The following MAGI2 variants were observed in gnomAD, a reference collection of about 807,000 sequenced individuals.
The protein encoded by MAGI2 is membrane associated guanylate kinase, WW and PDZ domain containing 2.
MAGI2 carries 35 observed loss-of-function variants against 133.3 expected under a neutral mutation model. The ratio of observed to expected loss-of-function variants is 0.26; its 90% CI spans 0.20 to 0.35. MAGI2 has a LOEUF of 0.35. MAGI2 is among the 10% of genes least tolerant of loss of function. MAGI2 has a pLI of 1.00. For synonymous variants in MAGI2, 729 were observed against 710.6 expected (o/e 1.03, Z -0.41); for missense variants, 1,636 against 1,863.4 (o/e 0.88, Z 2.25).
chr7:79,346,006 C>T (rs565412668), intron 1 of MAGI2, among the ~76,000 whole-genome samples: 1 of 152,140 alleles, frequency 6.6e-6, no homozygotes, highest in South Asian at 2.1e-4. Context: ...ACCATTTCTA[C>T]ATTTTTCTCT....
chr7:78,972,938 TACAC>T (rs3069435), intron 2 of MAGI2, among the ~76,000 whole-genome samples: 2,864 of 148,310 alleles, frequency 0.019, 57 homozygotes, highest in East Asian at 0.098. Flanking sequence ...TTGTTGCTTT[TACAC>T]ACACACACAC....
chr7:79,095,521 T>C (rs1817441667), intron 1 of MAGI2, among the ~76,000 whole-genome samples: 1 of 152,212 alleles, frequency 6.6e-6, no homozygotes, highest in Non-Finnish European at 1.5e-5. Context: ...AAGAGACATG[T>C]GACTCTTCCT....
At chr7:78,379,263 T>A (rs987323869) in intron 6 of MAGI2, among the ~76,000 whole-genome samples, 6 of 152,030 alleles carry the variant, frequency 3.9e-5, no homozygotes, top group African/African-American at 1.4e-4. Flanking sequence ...ATCTTTCTTA[T>A]TAAGATTTTC....
chr7:79,121,453 T>G (rs1187574337), intron 1 of MAGI2, among the ~76,000 whole-genome samples: 1 of 152,140 alleles, frequency 6.6e-6, no homozygotes, highest in African/African-American at 2.4e-5. Context: ...CTTAATTCTT[T>G]GGAGACATTT....
chr7:78,530,879 TTTAA>T (rs1333396072), intron 3 of MAGI2, among the ~76,000 whole-genome samples: 1 of 152,184 alleles, frequency 6.6e-6, no homozygotes, highest in African/African-American at 2.4e-5. Context: ...ATGCTTGCAT[TTTAA>T]TTAGAGTTAA....
intron 6 of MAGI2, among the ~76,000 whole-genome samples, chr7:78,372,598 C>G (rs879343517): frequency 6.6e-6 from 1 of 152,060 alleles, no homozygotes; most frequent in Non-Finnish European, 1.5e-5. Flanking sequence ...GTTAATGTTG[C>G]ATTAAGAACT....
chr7:78,194,790 G>A, intron 12 of MAGI2, 84 bp downstream of exon 12: 2 of 1,166,114 alleles, frequency 1.7e-6, no homozygotes, highest in Non-Finnish European at 2.4e-6. Flanking sequence ...ATAAAACCAT[G>A]CCAGATCATT....
chr7:79,096,102 C>G (rs1040663815), intron 1 of MAGI2, among the ~76,000 whole-genome samples: 1 of 152,126 alleles, frequency 6.6e-6, no homozygotes. Context: ...TGGCCCTGCA[C>G]TGTGCTGTAG....
chr7:79,392,331 G>GAC (rs1844719148), intron 1 of MAGI2, among the ~76,000 whole-genome samples: 1 of 152,124 alleles, frequency 6.6e-6, no homozygotes, highest in Non-Finnish European at 1.5e-5. Context: ...GTGTGCATGT[G>GAC]TCTTTATAGT....
At chr7:78,499,454 T>C (rs1178793251) in intron 5 of MAGI2, among the ~76,000 whole-genome samples, 1 of 152,180 alleles carries the variant, frequency 6.6e-6, no homozygotes, top group Non-Finnish European at 1.5e-5. Flanking sequence ...GACAAAATCT[T>C]ACACATGTTT....
At chr7:78,374,045 T>C (rs777199653) in intron 6 of MAGI2, among the ~76,000 whole-genome samples, 1 of 152,146 alleles carries the variant, frequency 6.6e-6, no homozygotes, top group Non-Finnish European at 1.5e-5. Flanking sequence ...TTGTAAAAAG[T>C]GCTACAGCAA....
intron 10 of MAGI2, among the ~76,000 whole-genome samples, chr7:78,250,873 TC>T (rs1249254525): frequency 2.0e-5 from 3 of 152,048 alleles, no homozygotes; most frequent in Non-Finnish European, 4.4e-5. Flanking sequence ...GGGAACACTT[TC>T]CTACTCATTT....
intron 9 of MAGI2, among the ~76,000 whole-genome samples, chr7:78,320,393 A>G (rs1408145697): frequency 6.6e-6 from 1 of 152,194 alleles, no homozygotes; most frequent in Non-Finnish European, 1.5e-5. Context: ...GGCAAACCAC[A>G]TCCAGCAGCA....
At position 79,223,850 on chromosome 7, in the gene MAGI2, G is replaced by T. The variant is rs186013972; in HGVS notation, c.302-216644C>A. On this transcript the variant is annotated intron_variant, in intron 1 of 21. Transcript: ENST00000354212. ...TGGCACCTCCTTCACAGGGCTGTTG[G>T]TATAATTAAGTGAGTTATTATTGGG... Among the ~76,000 whole-genome samples, 174 of 152,066 alleles carry T rather than the reference G, an allele frequency of 1.1e-3. 1 individual carries two copies. The highest frequency in any genetic ancestry group is 3.9e-3 in the African/African-American group (162 of 41,362).
intron 1 of MAGI2, among the ~76,000 whole-genome samples, chr7:79,337,694 A>C (rs1325165449): frequency 6.6e-6 from 1 of 152,152 alleles, no homozygotes; most frequent in South Asian, 2.1e-4. Context: ...TGCTGGAAAA[A>C]AAAGTGCTTT....
chr7:78,057,995 A>ATGTGTGTGTGTGTGTGTGTGTG (rs1232878816), intron 21 of MAGI2, among the ~76,000 whole-genome samples: 3 of 30,368 alleles, frequency 9.9e-5, no homozygotes, highest in South Asian at 1.2e-3. Context: ...ATATATATAT[A>ATGTGTGTGTGTGTGTGTGTGTG]TATATATATG....
At chr7:78,734,141 C>T (rs536881834) in intron 2 of MAGI2, among the ~76,000 whole-genome samples, 45 of 152,196 alleles carry the variant, frequency 3.0e-4, no homozygotes, top group African/African-American at 8.9e-4. Flanking sequence ...AAGACAAAGA[C>T]AACAAATTAT....
chr7:78,156,994 C>T (rs749739214), intron 16 of MAGI2, among the ~76,000 whole-genome samples: 3 of 152,132 alleles, frequency 2.0e-5, no homozygotes, highest in Non-Finnish European at 4.4e-5. Context: ...CTCAGAGAGC[C>T]CAAAACCTTT....
chr7:78,125,830 T>C lies in MAGI2; in HGVS notation c.3431A>G (p.Asp1144Gly). The C allele has an allele frequency of 6.2e-7, 1 of 1,614,064 alleles. No homozygotes were observed. Among genetic ancestry groups the C allele is most frequent in the Non-Finnish European group, 8.5e-7 (1 of 1,179,976 alleles). Residue 1144 changes from aspartate (D) to glycine (G), a missense_variant, in exon 20 of 22, where the codon GAT becomes GGT. Asp to Gly is a moderately conservative substitution (Grantham distance 94). Around this residue, in one of 5 missense-constraint regions of MAGI2, gnomAD observed 920 missense variants for 1,093.5 expected, o/e 0.84. Transcript: ENST00000354212. ...LSDYRQPQDF[D>G]YFTVDMEKGA... is the part of the protein sequence containing the mutation. ...TTTCTCCATGTCCACAGTGAAATAA[T>C]CAAAATCCTTTGGGGTTGGGGAGAA... is the stretch of plus-strand genomic sequence containing the variant.
Sources: gnomAD v4.1 joint callset for allele counts (sites outside exome capture counted in the v4.1 genomes callset) on GRCh38, gnomAD v4.1.1 for gene constraint, gnomAD v4.1.1 regional missense constraint, MANE v1.5 for transcripts, NCBI Gene and HGNC (gene_info 2026-07-23, HGNC 2026-07-21) for gene names.